The following SLIT2 variants were observed in gnomAD, a reference collection of about 807,000 sequenced individuals.
SLIT2 encodes slit guidance ligand 2.
Under a neutral mutation model 185.7 loss-of-function variants are expected in SLIT2, and 41 were observed. The observed-to-expected ratio is 0.22, with a 90% CI of 0.17 to 0.29. The LOEUF (loss-of-function observed/expected upper bound fraction) is 0.29. Among genes scored for constraint, SLIT2 ranks in the 10% least tolerant of loss-of-function variants. SLIT2 has a pLI of 1.00. For missense variants in SLIT2, 1,571 were observed against 1,909.0 expected (o/e 0.82, Z 3.30); for synonymous variants, 693 against 680.2 (o/e 1.02, Z -0.29).
At chr4:20,393,983 T>C (rs2109376272) in intron 4 of SLIT2, among the ~76,000 whole-genome samples, 1 of 152,156 alleles carries the variant, frequency 6.6e-6, no homozygotes, top group Admixed American at 6.6e-5. Flanking sequence ...ATGCAGATTG[T>C]CTTTGCACAG....
At chr4:20,552,803 A>G (rs1273037571) in intron 25 of SLIT2, 1 of 152,204 alleles carries the variant, frequency 6.6e-6, no homozygotes, top group Non-Finnish European at 1.5e-5. Context: ...TGTAAATCAG[A>G]AGTAAGCAGT....
intron 15 of SLIT2, among the ~76,000 whole-genome samples, chr4:20,526,444 A>G (rs973978628): frequency 2.6e-4 from 39 of 152,154 alleles, no homozygotes; most frequent in Non-Finnish European, 2.1e-4. Context: ...TTAACCAGAA[A>G]AAGCCATATT....
intron 4 of SLIT2, among the ~76,000 whole-genome samples, chr4:20,419,667 C>CTGTGTG (rs55679047): frequency 0.16 from 21,850 of 137,836 alleles, 1,798 homozygotes; most frequent in Non-Finnish European, 0.17. Context: ...AAGTTTTAAG[C>CTGTGTG]TGTGTGTGTG....
rs1344537872 is a variant in SLIT2, at chr4:20,571,827, A to G, written c.3088+2823A>G. ...GAGAAGTGAACTCTGTTTAATAAGAACAAATAATGACTTACAGAAAAAAAG... is the reference window on the plus strand; with the variant it reads ...GAGAAGTGAACTCTGTTTAATAAGAGCAAATAATGACTTACAGAAAAAAAG... On this transcript the variant is annotated intron_variant, in intron 29 of 36. Transcript: ENST00000504154. 3.3e-5 allele frequency among the ~76,000 whole-genome samples: 5 copies of G among 152,284 alleles called. 1 individual carries two copies. In the East Asian group the frequency reaches 9.7e-4, roughly 29 times the overall value.
At chr4:20,293,782 T>C (rs899279688) in intron 4 of SLIT2, among the ~76,000 whole-genome samples, 2 of 152,148 alleles carry the variant, frequency 1.3e-5, no homozygotes, top group Non-Finnish European at 2.9e-5. Context: ...GTGTCAGATA[T>C]ATTATGTGAC....
chr4:20,520,594 A>G (rs1720755092), intron 12 of SLIT2, among the ~76,000 whole-genome samples: 1 of 152,212 alleles, frequency 6.6e-6, no homozygotes, highest in African/African-American at 2.4e-5. Flanking sequence ...ATATATAAAT[A>G]TATTCCTGAA....
At chr4:20,486,061 G>A (rs1394236067) in intron 6 of SLIT2, 139 bp from the exon 7 acceptor site, 11 of 642,654 alleles carry the variant, frequency 1.7e-5, no homozygotes, top group Non-Finnish European at 2.8e-5. Flanking sequence ...TGTCTATAGA[G>A]TAGTGCATTC....
chr4:20,300,853 A>T (rs16869521), intron 4 of SLIT2, among the ~76,000 whole-genome samples: 36,193 of 151,962 alleles, frequency 0.24, 5,240 homozygotes, highest in East Asian at 0.6. Flanking sequence ...TTTGAGTATG[A>T]TTATGCTATC....
At chr4:20,485,820 C>G (rs1327887232) in intron 6 of SLIT2, among the ~76,000 whole-genome samples, 1 of 152,180 alleles carries the variant, frequency 6.6e-6, no homozygotes, top group Non-Finnish European at 1.5e-5. Context: ...CTCATGGACA[C>G]TAATTACACA....
intron 4 of SLIT2, among the ~76,000 whole-genome samples, chr4:20,424,055 G>T (rs923763541): frequency 6.6e-6 from 1 of 152,098 alleles, no homozygotes; most frequent in Non-Finnish European, 1.5e-5. Context: ...TAAATTAAAT[G>T]TGTAAATGAA....
intron 4 of SLIT2, among the ~76,000 whole-genome samples, chr4:20,315,551 A>G (rs568625606): frequency 3.3e-5 from 5 of 152,196 alleles, no homozygotes; most frequent in Admixed American, 2.0e-4. Flanking sequence ...TATCACTTCA[A>G]TGTGGAGGTT....
At chr4:20,312,782 A>G (rs1718236458) in intron 4 of SLIT2, among the ~76,000 whole-genome samples, 1 of 151,224 alleles carries the variant, frequency 6.6e-6, no homozygotes, top group South Asian at 2.1e-4. Flanking sequence ...AAAAAAAAAA[A>G]AAAAAAAAAA....
At chr4:20,535,910 G>A (rs6849986) in intron 18 of SLIT2, among the ~76,000 whole-genome samples, 4,770 of 152,142 alleles carry the variant, frequency 0.031, 102 homozygotes, top group Non-Finnish European at 0.049. Context: ...GCCATTGTGC[G>A]AACATCCTAG....
At chr4:20,368,187 T>C (rs1723267068) in intron 4 of SLIT2, among the ~76,000 whole-genome samples, 1 of 148,758 alleles carries the variant, frequency 6.7e-6, no homozygotes, top group African/African-American at 2.5e-5. Flanking sequence ...TGTATTAGTT[T>C]TCCTGGTTTT....
chr4:20,444,889 T>C (rs1383152449), intron 4 of SLIT2, among the ~76,000 whole-genome samples: 1 of 152,230 alleles, frequency 6.6e-6, no homozygotes, highest in Non-Finnish European at 1.5e-5. Flanking sequence ...TGCTGCCCAA[T>C]GCCTTTTTCT....
chr4:20,397,882 T>G (rs937700740), intron 4 of SLIT2, among the ~76,000 whole-genome samples: 1 of 151,878 alleles, frequency 6.6e-6, no homozygotes, highest in African/African-American at 2.4e-5. Flanking sequence ...ACTAACTTTC[T>G]GTGATGCTAA....
At chr4:20,538,723 A>G (rs1722525072) in intron 18 of SLIT2, among the ~76,000 whole-genome samples, 1 of 152,028 alleles carries the variant, frequency 6.6e-6, no homozygotes, top group Admixed American at 6.6e-5. Flanking sequence ...TAATTGAGCC[A>G]AAACTTTAGC....
intron 4 of SLIT2, among the ~76,000 whole-genome samples, chr4:20,417,426 ATG>A (rs10642843): frequency 2.3e-5 from 3 of 131,160 alleles, no homozygotes; most frequent in South Asian, 4.8e-4. Context: ...TCATATATAT[ATG>A]TGTGTGTGTA....
chr4:20,536,556 C>T (rs1366317985), intron 18 of SLIT2, among the ~76,000 whole-genome samples: 13 of 91,206 alleles, frequency 1.4e-4, no homozygotes, highest in East Asian at 4.7e-4. Context: ...GAAACTCTGT[C>T]GCAAAAAAAA....
Sources: allele counts gnomAD v4.1 joint callset (sites outside exome capture counted in the v4.1 genomes callset), GRCh38; gene constraint gnomAD v4.1.1; transcripts MANE v1.5; gene names NCBI Gene and HGNC (gene_info 2026-07-23, HGNC 2026-07-21).